SGCZ: variants seen among roughly 807,000 people sequenced by gnomAD.
SGCZ encodes zeta-sarcoglycan.
SGCZ carries 40 observed loss-of-function variants against 41.3 expected under a neutral mutation model. The ratio of observed to expected loss-of-function variants is 0.97; its 90% CI spans 0.75 to 1.26. The LOEUF is 1.26. SGCZ is among the 50% of genes most tolerant of loss of function. The pLI is 0.00. For synonymous variants in SGCZ, 206 were observed against 137.5 expected (o/e 1.50, Z -3.49); for missense variants, 552 against 369.8 (o/e 1.49, Z -4.04).
rs570491028 is a variant in SGCZ at position 14,180,884 on chromosome 8, G to A, written c.425-16182C>T. Among the ~76,000 whole-genome samples the A allele has an allele frequency of 1.9e-3, 288 of 151,822 alleles. 2 individuals carry two copies. Among genetic ancestry groups the A allele is most frequent in the Non-Finnish European group, 2.8e-3 (187 of 67,974 alleles). ...TGCCCCCATACTAGATTGGTTTTAC[G>A]GCAGTGGGGAGTGCCATGAAGACTA... On this transcript the variant is annotated intron_variant, in intron 4 of 7. Coordinates refer to ENST00000382080, the MANE Select transcript of SGCZ (RefSeq NM_139167.4).
intron 1 of SGCZ, among the ~76,000 whole-genome samples, chr8:14,907,824 C>T (rs2130771283): frequency 6.6e-6 from 1 of 152,310 alleles, no homozygotes; most frequent in South Asian, 2.1e-4. Flanking sequence ...CCACCTATTT[C>T]AACCCTACTA....
intron 3 of SGCZ, among the ~76,000 whole-genome samples, chr8:14,252,189 C>G (rs1351009652): frequency 1.3e-5 from 2 of 152,044 alleles, no homozygotes; most frequent in Non-Finnish European, 2.9e-5. Flanking sequence ...CTCCCTGTCT[C>G]TCTGTGATAC....
intron 1 of SGCZ, among the ~76,000 whole-genome samples, chr8:15,075,998 A>G (rs1160626234): frequency 6.6e-6 from 1 of 152,174 alleles, no homozygotes; most frequent in Non-Finnish European, 1.5e-5. Flanking sequence ...TATCATACAG[A>G]GATAAAATGT....
At chr8:14,975,606 T>G (rs1480183790) in intron 1 of SGCZ, among the ~76,000 whole-genome samples, 1 of 152,100 alleles carries the variant, frequency 6.6e-6, no homozygotes, top group East Asian at 1.9e-4. Context: ...ACAGATATTA[T>G]ATGGCATATG....
intron 1 of SGCZ, among the ~76,000 whole-genome samples, chr8:14,713,950 C>T (rs1230859828): frequency 6.6e-6 from 1 of 151,978 alleles, no homozygotes; most frequent in Non-Finnish European, 1.5e-5. Flanking sequence ...CATTTTAAGT[C>T]TAGAAGCATC....
At chr8:15,104,376 T>A (rs906111897) in intron 1 of SGCZ, among the ~76,000 whole-genome samples, 6 of 152,176 alleles carry the variant, frequency 3.9e-5, no homozygotes, top group Admixed American at 1.3e-4. Context: ...ATGCACACAC[T>A]GGCACATCAG....
At chr8:15,107,244 C>T (rs559424682) in intron 1 of SGCZ, among the ~76,000 whole-genome samples, 3 of 152,158 alleles carry the variant, frequency 2.0e-5, no homozygotes, top group African/African-American at 2.4e-5. Context: ...CAAAGTAGCA[C>T]GCAGTTTGAA....
At chr8:15,220,549 T>A (rs893839833) in intron 1 of SGCZ, among the ~76,000 whole-genome samples, 23 of 151,820 alleles carry the variant, frequency 1.5e-4, no homozygotes, top group African/African-American at 5.1e-4. Context: ...TCAACTAGAG[T>A]AGGAACTCTT....
At chr8:15,174,977 T>G (rs553448114) in intron 1 of SGCZ, among the ~76,000 whole-genome samples, 66 of 152,162 alleles carry the variant, frequency 4.3e-4, no homozygotes, top group Admixed American at 7.9e-4. Flanking sequence ...GGGAGAGCAT[T>G]AGGACAAACA....
intron 1 of SGCZ, among the ~76,000 whole-genome samples, chr8:14,925,972 G>T (rs577430965): frequency 5.9e-5 from 9 of 152,300 alleles, no homozygotes; most frequent in Admixed American, 1.3e-4. Context: ...AATAGCAACA[G>T]TATGATTTGT....
At chr8:14,655,226 GT>G (rs1807528411) in intron 1 of SGCZ, among the ~76,000 whole-genome samples, 1 of 151,978 alleles carries the variant, frequency 6.6e-6, no homozygotes, top group South Asian at 2.1e-4. Context: ...TAACTTCTTA[GT>G]TTTTCCACTG....
chr8:15,125,207 A>G (rs764859559), intron 1 of SGCZ, among the ~76,000 whole-genome samples: 2 of 152,144 alleles, frequency 1.3e-5, no homozygotes, highest in Non-Finnish European at 2.9e-5. Flanking sequence ...TAAAAATAAC[A>G]TTTTACTTTA....
intron 1 of SGCZ, among the ~76,000 whole-genome samples, chr8:14,556,129 C>A (rs1804028214): frequency 6.6e-6 from 1 of 151,638 alleles, no homozygotes; most frequent in South Asian, 2.1e-4. Context: ...TGAATAAGCA[C>A]TGAATATGTC....
intron 4 of SGCZ, among the ~76,000 whole-genome samples, chr8:14,213,069 C>T (rs1016046078): frequency 4.0e-5 from 6 of 151,530 alleles, no homozygotes; most frequent in Admixed American, 6.6e-5. Flanking sequence ...GACTGTGGGA[C>T]AACAGCAAAA....
chr8:14,338,955 G>A (rs927977853), intron 2 of SGCZ, among the ~76,000 whole-genome samples: 1 of 152,162 alleles, frequency 6.6e-6, no homozygotes, highest in Non-Finnish European at 1.5e-5. Context: ...CACAGACATT[G>A]TTAAGGCAAA....
intron 1 of SGCZ, among the ~76,000 whole-genome samples, chr8:14,670,974 A>G (rs1032830004): frequency 5.3e-5 from 8 of 152,238 alleles, no homozygotes; most frequent in African/African-American, 1.9e-4. Context: ...AGAATAGGTC[A>G]GCCTGGATGT....
chr8:14,935,614 A>G (rs990407794), intron 1 of SGCZ, among the ~76,000 whole-genome samples: 1 of 151,942 alleles, frequency 6.6e-6, no homozygotes, highest in African/African-American at 2.4e-5. Flanking sequence ...TTTATTAATT[A>G]AAGGTGCAGA....
intron 1 of SGCZ, among the ~76,000 whole-genome samples, chr8:14,759,771 A>G (rs966214656): frequency 2.0e-5 from 3 of 152,122 alleles, no homozygotes; most frequent in Non-Finnish European, 2.9e-5. Context: ...GATAAAGGAC[A>G]CCACAATATT....
chr8:14,912,622 G>C (rs1254759283), intron 1 of SGCZ, among the ~76,000 whole-genome samples: 1 of 152,002 alleles, frequency 6.6e-6, no homozygotes, highest in Non-Finnish European at 1.5e-5. Context: ...CACACCATGA[G>C]TGTCAGGAAT....
Sources: allele counts gnomAD v4.1 joint callset (sites outside exome capture counted in the v4.1 genomes callset), GRCh38; gene constraint gnomAD v4.1.1; transcripts MANE v1.5; gene names NCBI Gene and HGNC (gene_info 2026-07-23, HGNC 2026-07-21).